The following CSMD3 variants were observed in gnomAD, a reference collection of about 807,000 sequenced individuals.
CSMD3 encodes CUB and sushi domain-containing protein 3.
Under a neutral mutation model 435.2 loss-of-function variants are expected in CSMD3, and 177 were observed. That is an observed-to-expected ratio of 0.41 (90% CI 0.36 to 0.46). The LOEUF (loss-of-function observed/expected upper bound fraction) is 0.46. CSMD3 is among the 20% of genes least tolerant of loss of function. The pLI is 0.34. For synonymous variants in CSMD3, 1,656 were observed against 1,520.5 expected, an observed-to-expected ratio of 1.09 and a Z score of -2.07; for missense variants, 4,265 against 4,504.6, an observed-to-expected ratio of 0.95 and a Z score of 1.52.
In CSMD3 at chr8:113,048,153, C is replaced by T. The variant is rs952602273; in HGVS notation, c.918-28974G>A. Among the ~76,000 whole-genome samples the T allele has an allele frequency of 2.0e-5, 3 of 147,328 alleles. No homozygotes were observed. The East Asian group carries it at 6.0e-4, about 29-fold the overall frequency. On this transcript the variant is annotated intron_variant, in intron 5 of 70. Transcript: ENST00000297405. Reference sequence around the variant, plus strand: ...TGTCGCCCAGGCTGGAGTGCAGTGGCGCGATCTCGGCTCACTGCAAGCTCC... The same window carrying T: ...TGTCGCCCAGGCTGGAGTGCAGTGGTGCGATCTCGGCTCACTGCAAGCTCC...
chr8:112,352,119 G>C (rs1296687114), intron 39 of CSMD3, among the ~76,000 whole-genome samples: 1 of 151,990 alleles, frequency 6.6e-6, no homozygotes, highest in Non-Finnish European at 1.5e-5. Context: ...CAAAAGTAAA[G>C]ATTAATTTTT....
intron 1 of CSMD3, among the ~76,000 whole-genome samples, chr8:113,386,740 C>A (rs1384780162): frequency 6.6e-6 from 1 of 151,814 alleles, no homozygotes; most frequent in Admixed American, 6.6e-5. Flanking sequence ...TCAGAATAAA[C>A]TGCAGTGGTT....
At chr8:113,359,046 TAA>T (rs370756249) in intron 1 of CSMD3, among the ~76,000 whole-genome samples, 4,517 of 149,490 alleles carry the variant, frequency 0.03, 88 homozygotes, top group Admixed American at 0.041. Flanking sequence ...CTCTCAATAG[TAA>T]AAAAAAAATC....
At chr8:112,689,444 TA>T (rs1563855463) in intron 14 of CSMD3, among the ~76,000 whole-genome samples, 1 of 152,016 alleles carries the variant, frequency 6.6e-6, no homozygotes, top group African/African-American at 2.4e-5. Context: ...TGTTAACATC[TA>T]CAAGCAAAAA....
chr8:113,392,530 G>A (rs555514774), intron 1 of CSMD3, among the ~76,000 whole-genome samples: 2 of 152,080 alleles, frequency 1.3e-5, no homozygotes, highest in South Asian at 2.1e-4. Flanking sequence ...ATGGGGAAAT[G>A]AGCAAAGAAA....
chr8:112,430,966 T>G (rs747186119), intron 32 of CSMD3, among the ~76,000 whole-genome samples: 2 of 151,800 alleles, frequency 1.3e-5, no homozygotes. Context: ...GAGGATAGGA[T>G]CAATTTTTAT....
At chr8:113,003,654 T>C (rs1214353460) in intron 6 of CSMD3, among the ~76,000 whole-genome samples, 1 of 151,976 alleles carries the variant, frequency 6.6e-6, no homozygotes, top group Non-Finnish European at 1.5e-5. Context: ...AGGAATCTGA[T>C]TTTTTTAGCG....
At chr8:113,229,077 T>C (rs1318458358) in intron 3 of CSMD3, among the ~76,000 whole-genome samples, 1 of 151,646 alleles carries the variant, frequency 6.6e-6, no homozygotes, top group Non-Finnish European at 1.5e-5. Context: ...GGGGTATCTT[T>C]GAAGTGATGA....
At chr8:112,730,663 C>T (rs529103578) in intron 13 of CSMD3, among the ~76,000 whole-genome samples, 20 of 152,218 alleles carry the variant, frequency 1.3e-4, no homozygotes, top group Admixed American at 3.3e-4. Flanking sequence ...CGGTATTCAA[C>T]CAAAGCTGAC....
chr8:112,532,949 T>C (rs1376870002), intron 27 of CSMD3, among the ~76,000 whole-genome samples: 2 of 152,100 alleles, frequency 1.3e-5, no homozygotes, highest in Non-Finnish European at 2.9e-5. Flanking sequence ...AGCCTAAATA[T>C]GGGGAGGAGT....
chr8:112,567,168 C>T (rs778445178), intron 24 of CSMD3, among the ~76,000 whole-genome samples: 5 of 152,146 alleles, frequency 3.3e-5, no homozygotes, highest in Non-Finnish European at 5.9e-5. Flanking sequence ...GCATATAACT[C>T]AAGCTCAGAC....
intron 45 of CSMD3, among the ~76,000 whole-genome samples, chr8:112,321,489 C>G (rs1822992780): frequency 6.6e-6 from 1 of 152,100 alleles, no homozygotes; most frequent in South Asian, 2.1e-4. Flanking sequence ...GGGAGAAGAG[C>G]ATTTCAGGTG....
At chr8:112,310,890 T>C (rs1189962906) in intron 50 of CSMD3, 88 bp downstream of exon 50, 2 of 1,076,636 alleles carry the variant, frequency 1.9e-6, no homozygotes, top group Admixed American at 1.9e-5. Flanking sequence ...ATTTCCATTC[T>C]CAGAAAAGTT....
At chr8:112,256,746 G>A (rs1258572334) in intron 61 of CSMD3, among the ~76,000 whole-genome samples, 1 of 152,134 alleles carries the variant, frequency 6.6e-6, no homozygotes, top group Non-Finnish European at 1.5e-5. Context: ...TTCAGATTAA[G>A]CACCTGAAAG....
At chr8:112,225,179 A>G (rs912887060) in intron 70 of CSMD3, among the ~76,000 whole-genome samples, 35 of 152,148 alleles carry the variant, frequency 2.3e-4, no homozygotes, top group African/African-American at 8.4e-4. Flanking sequence ...AATAAATTAT[A>G]TGATGGCTAT....
rs566053916 is a variant in CSMD3 at position 112,679,269 on chromosome 8, G to A, written c.2677+3173C>T. On this transcript the variant is annotated intron_variant, in intron 16 of 70. Coordinates refer to ENST00000297405, the MANE Select transcript of CSMD3 (RefSeq NM_198123.2). The stretch of plus-strand genomic sequence containing the variant: ...TTAGTTATAGAGTTGACAGCAGTCT[G>A]CTTTGTTGGGTGGAAACTGGCTCAG... Among the ~76,000 whole-genome samples, 3 of 152,222 alleles carry A rather than the reference G, an allele frequency of 2.0e-5. No individual in the cohort carries two copies. The East Asian group carries it at 5.8e-4, about 29-fold the overall frequency.
chr8:112,921,724 A>G lies in CSMD3; in HGVS notation c.1536T>C (p.Cys512=), dbSNP rs760822398. 3.1e-6 allele frequency: 5 copies of G among 1,610,530 alleles called. No homozygotes were observed. ...FSLGSTVQFS[C]DEDYVLQGAK... Reference sequence around the variant, plus strand: ...CGCCCTGTAGGACATAATCTTCATCACAAGAGAACTGCACAGTTGATCCAA... The same window carrying G: ...CGCCCTGTAGGACATAATCTTCATCGCAAGAGAACTGCACAGTTGATCCAA... The change falls in exon 10 of 71, where the codon TGT becomes TGC. Residue 512 remains cysteine (C), a synonymous_variant. Transcript: ENST00000297405.
chr8:112,743,347 A>C (rs1253605945), intron 13 of CSMD3, among the ~76,000 whole-genome samples: 1 of 151,942 alleles, frequency 6.6e-6, no homozygotes, highest in Non-Finnish European at 1.5e-5. Flanking sequence ...AATGATTTTC[A>C]AAGTGGGAGA....
rs1315799375 is a variant in CSMD3 at position 112,390,726 on chromosome 8, G to A, written c.5872C>T (p.Pro1958Ser). The A allele has an allele frequency of 1.2e-6, 2 of 1,612,284 alleles. No homozygotes were observed. Among genetic ancestry groups the A allele is most frequent in the Admixed American group, 3.3e-5 (2 of 59,988 alleles). Residue 1958 changes from proline (P) to serine (S), a missense_variant, in exon 36 of 71, where the codon CCT (proline) becomes TCT (serine). By Grantham distance (74) the Pro-to-Ser change is moderately conservative. This residue lies in a region of CSMD3 where 3,255 missense variants were observed against 3,380.2 expected (regional missense o/e 0.96). Transcript: ENST00000297405. ...ACACAATTCAGATTGTTGTCATAAG[G>A]CTCAGGGTATCCAGGTGACAAAATA... ...GTILSPGYPE[P>S]YDNNLNCVWK...
Sources: gnomAD v4.1 joint callset for allele counts (sites outside exome capture counted in the v4.1 genomes callset) on GRCh38, gnomAD v4.1.1 for gene constraint, gnomAD v4.1.1 regional missense constraint, MANE v1.5 for transcripts, NCBI Gene and HGNC (gene_info 2026-07-23, HGNC 2026-07-21) for gene names.